Variants in ATG7 observed in about 807,000 individuals in gnomAD.
ATG7 encodes autophagy related 7.
In ATG7, 70 loss-of-function variants were observed where a neutral mutation model predicts 82.4. The observed-to-expected ratio is 0.85, with a 90% CI of 0.70 to 1.04. ATG7 has a LOEUF of 1.04. ATG7 is among the 50% of genes least tolerant of loss of function. The pLI, the probability that ATG7 is intolerant of heterozygous loss-of-function variation, is 0.00. For synonymous variants in ATG7, 287 were observed against 313.0 expected, an observed-to-expected ratio of 0.92 and a Z score of 0.88; for missense variants, 792 against 864.3, an observed-to-expected ratio of 0.92 and a Z score of 1.05.
intron 11 of ATG7, among the ~76,000 whole-genome samples, chr3:11,335,792 G>T (rs1306650308): frequency 6.6e-6 from 1 of 152,118 alleles, no homozygotes; most frequent in Non-Finnish European, 1.5e-5. Context: ...CCGCCTCCTG[G>T]GTTCAAGCGA....
chr3:11,514,345 TTTGCAA>T (rs1461333695), intron 20 of ATG7, among the ~76,000 whole-genome samples: 2 of 152,182 alleles, frequency 1.3e-5, no homozygotes, highest in African/African-American at 4.8e-5. Flanking sequence ...AAGATGGGCG[TTTGCAA>T]TTCATTTTCT....
intron 20 of ATG7, among the ~76,000 whole-genome samples, chr3:11,498,379 G>A (rs1424692677): frequency 2.0e-5 from 3 of 152,144 alleles, no homozygotes; most frequent in Non-Finnish European, 2.9e-5. Flanking sequence ...CTGAAGAAGC[G>A]GGCAGGCAGC....
chr3:11,389,862 A>C (rs1179664278), intron 19 of ATG7, among the ~76,000 whole-genome samples: 2 of 152,236 alleles, frequency 1.3e-5, no homozygotes, highest in East Asian at 3.8e-4. Flanking sequence ...TGGATATTTT[A>C]AAGAACTCTA....
At chr3:11,305,959 C>T (rs942096217) in intron 5 of ATG7, among the ~76,000 whole-genome samples, 1 of 152,250 alleles carries the variant, frequency 6.6e-6, no homozygotes, top group Non-Finnish European at 1.5e-5. Flanking sequence ...GCTGCGACAA[C>T]ATTAGTAGGC....
At chr3:11,401,383 T>C (rs774642107) in intron 19 of ATG7, among the ~76,000 whole-genome samples, 5 of 152,246 alleles carry the variant, frequency 3.3e-5, no homozygotes, top group Admixed American at 6.5e-5. Context: ...GTTTGGCTTA[T>C]GTCAGTCAAG....
At chr3:11,354,423 G>A (rs1039211832) in intron 14 of ATG7, among the ~76,000 whole-genome samples, 1 of 152,102 alleles carries the variant, frequency 6.6e-6, no homozygotes, top group South Asian at 2.1e-4. Flanking sequence ...GCTGAGGCGG[G>A]TGGATCACGA....
chr3:11,317,870 C>A (rs1251096011), intron 9 of ATG7, among the ~76,000 whole-genome samples: 1 of 152,216 alleles, frequency 6.6e-6, no homozygotes, highest in African/African-American at 2.4e-5. Context: ...GGATTACAGG[C>A]GTGAGCCACT....
At chr3:11,532,626 G>A (rs1361786155) in intron 20 of ATG7, among the ~76,000 whole-genome samples, 1 of 152,208 alleles carries the variant, frequency 6.6e-6, no homozygotes, top group East Asian at 1.9e-4. Flanking sequence ...AAGAGGCTGA[G>A]GCAGGAACAC....
intron 5 of ATG7, among the ~76,000 whole-genome samples, chr3:11,306,038 A>G (rs1051975186): frequency 2.0e-5 from 3 of 152,248 alleles, no homozygotes; most frequent in Non-Finnish European, 2.9e-5. Flanking sequence ...ATTTCAGAGA[A>G]GAGACCAGAT....
intron 20 of ATG7, among the ~76,000 whole-genome samples, chr3:11,527,071 G>GTGTATATATATATA (rs1305045814): frequency 7.8e-6 from 1 of 127,416 alleles, no homozygotes; most frequent in Non-Finnish European, 1.6e-5. Flanking sequence ...GTGTGTGTGT[G>GTGTATATATATATA]TATATATATA....
the ATG7 span, among the ~76,000 whole-genome samples, chr3:11,575,009 G>A: frequency 6.6e-6 from 1 of 152,112 alleles, no homozygotes; most frequent in Non-Finnish European, 1.5e-5. Flanking sequence ...TAAAGCCGCA[G>A]ATCTTTTCAT....
At chr3:11,452,121 C>T (rs929172547) in intron 20 of ATG7, among the ~76,000 whole-genome samples, 1 of 151,854 alleles carries the variant, frequency 6.6e-6, no homozygotes, top group African/African-American at 2.4e-5. Flanking sequence ...TGGTGCCTCA[C>T]ATCTGTAATC....
intron 20 of ATG7, among the ~76,000 whole-genome samples, chr3:11,449,536 AAG>A (rs2084906313): frequency 6.6e-6 from 1 of 152,154 alleles, no homozygotes; most frequent in African/African-American, 2.4e-5. Context: ...GTATACAAAG[AAG>A]CTTCTCATGT....
At chr3:11,397,700 G>A (rs916753594) in intron 19 of ATG7, among the ~76,000 whole-genome samples, 10 of 151,232 alleles carry the variant, frequency 6.6e-5, no homozygotes, top group South Asian at 2.1e-4. Flanking sequence ...CAAGTGATCC[G>A]CCCACCTCGG....
chr3:11,394,421 G>A (rs759328071), intron 19 of ATG7, among the ~76,000 whole-genome samples: 7 of 152,206 alleles, frequency 4.6e-5, no homozygotes, highest in Admixed American at 2.0e-4. Context: ...AGGAGATTCT[G>A]AGTTGAGCTT....
intron 20 of ATG7, among the ~76,000 whole-genome samples, chr3:11,537,814 G>A (rs1420563536): frequency 2.6e-5 from 4 of 152,210 alleles, no homozygotes; most frequent in South Asian, 2.1e-4. Flanking sequence ...ATGGAGAGAT[G>A]TATTTTCCTG....
At chr3:11,512,122 C>T (rs927082116) in intron 20 of ATG7, among the ~76,000 whole-genome samples, 9 of 152,168 alleles carry the variant, frequency 5.9e-5, no homozygotes, top group East Asian at 1.9e-4. Context: ...CAAGAGCAAG[C>T]GAGGGCTCTG....
intron 20 of ATG7, among the ~76,000 whole-genome samples, chr3:11,513,488 G>A (rs2092154389): frequency 6.6e-6 from 1 of 152,230 alleles, no homozygotes; most frequent in Non-Finnish European, 1.5e-5. Context: ...TGGCCTGGGT[G>A]CTAAGCCCCT....
chr3:11,522,172 G>A (rs1189364256), intron 20 of ATG7, among the ~76,000 whole-genome samples: 1 of 152,188 alleles, frequency 6.6e-6, no homozygotes, highest in Non-Finnish European at 1.5e-5. Context: ...ATTCTTGGGA[G>A]GAGAATTGTA....
Sources: allele counts gnomAD v4.1 joint callset (sites outside exome capture counted in the v4.1 genomes callset), GRCh38; gene constraint gnomAD v4.1.1; transcripts MANE v1.5; gene names NCBI Gene and HGNC (gene_info 2026-07-23, HGNC 2026-07-21).